The following TMEM267 variants were observed in gnomAD, a reference collection of about 807,000 sequenced individuals.
TMEM267 encodes transmembrane protein 267.
In TMEM267, 20 loss-of-function variants were observed where a neutral mutation model predicts 19.3. The observed-to-expected ratio is 1.04, with a 90% CI of 0.73 to 1.51. The LOEUF (loss-of-function observed/expected upper bound fraction) is 1.51, where lower values mean the gene tolerates loss of function less well. TMEM267 is among the 40% of genes most tolerant of loss of function. TMEM267 has a pLI of 0.00. For synonymous variants in TMEM267, 88 were observed against 90.3 expected (o/e 0.97, Z 0.15); for missense variants, 242 against 261.9 (o/e 0.92, Z 0.52).
At chr5:43,474,004 A>C (rs1579826541) in intron 1 of TMEM267, among the ~76,000 whole-genome samples, 2 of 152,366 alleles carry the variant, frequency 1.3e-5, no homozygotes, top group South Asian at 2.1e-4. Context: ...GACAAAAAAA[A>C]GCAATGGGGA....
intron 1 of TMEM267, among the ~76,000 whole-genome samples, chr5:43,457,481 G>A (rs1359331340): frequency 6.6e-6 from 1 of 152,150 alleles, no homozygotes; most frequent in East Asian, 1.9e-4. Flanking sequence ...CAATCATGGT[G>A]GAAGGTAAAG....
At chr5:43,464,350 G>A (rs1434943943) in intron 1 of TMEM267, among the ~76,000 whole-genome samples, 1 of 152,098 alleles carries the variant, frequency 6.6e-6, no homozygotes, top group Non-Finnish European at 1.5e-5. Flanking sequence ...TGGGTAGGAA[G>A]AATCAATATC....
At chr5:43,461,239 C>T (rs1376301393) in intron 1 of TMEM267, among the ~76,000 whole-genome samples, 1 of 152,166 alleles carries the variant, frequency 6.6e-6, no homozygotes, top group Non-Finnish European at 1.5e-5. Context: ...GCATTCATCA[C>T]CTGCTAACTG....
Position 43,476,436 on chromosome 5 carries a change from AATTCC to A in TMEM267, c.-75+7381_-75+7385del, listed in dbSNP as rs199654263. Among the ~76,000 whole-genome samples the A allele has an allele frequency of 2.7e-5, 4 of 149,966 alleles. No homozygotes were observed. In the East Asian group the frequency reaches 7.9e-4, roughly 30 times the overall value. On this transcript the variant is annotated intron_variant, in intron 1 of 2. Transcript: ENST00000397080. ...TGCAGACCGCTCTGCCACCTCCCAC[AATTCC>A]ATAGGTCTTTAGCTCACAAAGTAGT...
intron 1 of TMEM267, among the ~76,000 whole-genome samples, chr5:43,462,823 T>C (rs186561447): frequency 2.0e-5 from 3 of 152,136 alleles, no homozygotes; most frequent in Admixed American, 6.5e-5. Flanking sequence ...TTAATAGTTA[T>C]TGGCAGAAAG....
chr5:43,483,421 G>A (rs1744917964), intron 1 of TMEM267, among the ~76,000 whole-genome samples: 1 of 152,188 alleles, frequency 6.6e-6, no homozygotes, highest in Non-Finnish European at 1.5e-5. Flanking sequence ...AAGGCTCCGG[G>A]GCACGAAAGG....
Position 43,446,023 on chromosome 5 carries a change from G to A in TMEM267, c.*199C>T, listed in dbSNP as rs550724984. 2.6e-6 allele frequency: 1 copy of A among 388,940 alleles called. No individual in the cohort carries two copies. Among genetic ancestry groups the A allele is most frequent in the African/African-American group, 2.1e-5 (1 of 48,492 alleles). The allele number at this position is 388,940 out of a possible 1,614,324, so 24.1% of individuals were successfully genotyped here. A position where few individuals can be genotyped will look rare whatever the true frequency, so the allele number is the denominator to read the frequency against. ...GAAACTCTAATATTGCACTAGAGTT[G>A]TCATAGAAGAGAGAAGTAGAATAAT... On this transcript the variant is annotated 3_prime_UTR_variant, in exon 3 of 3. Transcript: ENST00000397080.
Position 43,446,462 on chromosome 5 carries a change from C to T in TMEM267, c.408G>A (p.Lys136=), listed in dbSNP as rs767920811. ...GAAGAAAGCACCATGAGTCTTTGAGCTTGAAAAGGTGCATAGTAAATTTCA... is the reference window on the plus strand; with the variant it reads ...GAAGAAAGCACCATGAGTCTTTGAGTTTGAAAAGGTGCATAGTAAATTTCA... ...LTLKFTMHLF[K]LKDSWCFLPW... is the part of the protein sequence containing the mutation. The change falls in exon 3 of 3, where the codon AAG becomes AAA. Residue 136 remains lysine, a synonymous_variant. Coordinates refer to ENST00000397080, the MANE Select transcript of TMEM267 (RefSeq NM_022483.5). 2 of 1,613,812 alleles carry T rather than the reference C, an allele frequency of 1.2e-6. No individual in the cohort carries two copies. The highest frequency in any genetic ancestry group is 4.5e-5 in the East Asian group (2 of 44,870).
intron 1 of TMEM267, among the ~76,000 whole-genome samples, chr5:43,482,804 T>C (rs1039963328): frequency 3.3e-5 from 5 of 152,214 alleles, no homozygotes; most frequent in East Asian, 1.9e-4. Flanking sequence ...TAACAGTACT[T>C]TTCTCCTTCC....
intron 2 of TMEM267, among the ~76,000 whole-genome samples, chr5:43,448,636 C>T (rs1273830735): frequency 1.3e-5 from 2 of 151,920 alleles, no homozygotes; most frequent in Non-Finnish European, 2.9e-5. Context: ...ATTAGCTGGG[C>T]ATGGTGGTGC....
chr5:43,461,984 G>T (rs10038545), intron 1 of TMEM267, among the ~76,000 whole-genome samples: 73,920 of 152,036 alleles, frequency 0.49, 18,835 homozygotes, highest in Middle Eastern at 0.63. Flanking sequence ...CATTGTGTGA[G>T]ACCAAGTGCC....
At chr5:43,450,301 T>C (rs1742509145) in intron 2 of TMEM267, among the ~76,000 whole-genome samples, 1 of 152,160 alleles carries the variant, frequency 6.6e-6, no homozygotes, top group African/African-American at 2.4e-5. Flanking sequence ...CTTTGATTTT[T>C]TTATTAATAG....
intron 1 of TMEM267, among the ~76,000 whole-genome samples, chr5:43,460,501 T>C (rs538538678): frequency 1.3e-5 from 2 of 151,800 alleles, no homozygotes; most frequent in Admixed American, 6.6e-5. Context: ...GTGAGACTCA[T>C]AGTACCTGGT....
At chr5:43,464,159 T>G (rs919530343) in intron 1 of TMEM267, among the ~76,000 whole-genome samples, 4 of 151,978 alleles carry the variant, frequency 2.6e-5, no homozygotes, top group Non-Finnish European at 2.9e-5. Context: ...TATACACCAA[T>G]AACAGACAAA....
At chr5:43,451,696 C>T (rs55756939) in intron 2 of TMEM267, among the ~76,000 whole-genome samples, 1 of 152,118 alleles carries the variant, frequency 6.6e-6, no homozygotes, top group Non-Finnish European at 1.5e-5. Flanking sequence ...ATGGAGATTT[C>T]TCAAAGAACT....
chr5:43,466,512 T>C (rs1329415409), intron 1 of TMEM267, among the ~76,000 whole-genome samples: 1 of 152,146 alleles, frequency 6.6e-6, no homozygotes, highest in Non-Finnish European at 1.5e-5. Flanking sequence ...AAGGGAGAAC[T>C]TCAGTCAGAA....
intron 1 of TMEM267, among the ~76,000 whole-genome samples, chr5:43,480,381 C>T (rs544634435): frequency 6.6e-6 from 1 of 151,804 alleles, no homozygotes; most frequent in African/African-American, 2.4e-5. Context: ...TGGCATGGTG[C>T]TAGGTCACTG....
intron 1 of TMEM267, among the ~76,000 whole-genome samples, chr5:43,481,811 G>A (rs1424425593): frequency 1.3e-5 from 2 of 152,022 alleles, no homozygotes; most frequent in African/African-American, 4.8e-5. Flanking sequence ...TGACCCCACA[G>A]AAAGAATAAA....
Position 43,473,709 on chromosome 5 carries a change from C to T in TMEM267, c.-75+10113G>A, listed in dbSNP as rs149984122. Among the ~76,000 whole-genome samples, 741 of 152,298 alleles carry T rather than the reference C, an allele frequency of 4.9e-3. 10 individuals carry two copies. Among genetic ancestry groups the T allele is most frequent in the African/African-American group, 0.011 (471 of 41,556 alleles). ...CCCAAAGTAATTTACAGATTCAATG[C>T]TATCCTCATCAAGCTACCATTGACT... On this transcript the variant is annotated intron_variant, in intron 1 of 2. Coordinates refer to ENST00000397080, the MANE Select transcript of TMEM267 (RefSeq NM_022483.5).
Sources: allele counts gnomAD v4.1 joint callset (sites outside exome capture counted in the v4.1 genomes callset), GRCh38; gene constraint gnomAD v4.1.1; transcripts MANE v1.5; gene names NCBI Gene and HGNC (gene_info 2026-07-23, HGNC 2026-07-21).